PDE7A: variants seen among roughly 807,000 people sequenced by gnomAD.
PDE7A encodes the protein phosphodiesterase 7A.
In PDE7A, 39 loss-of-function variants were observed where a neutral mutation model predicts 64.3. The ratio of observed to expected loss-of-function variants is 0.61; its 90% confidence interval spans 0.47 to 0.79. PDE7A has a LOEUF of 0.79. Ranked by LOEUF, PDE7A falls within the 30% of genes least tolerant of loss-of-function variation. The probability of loss-of-function intolerance (pLI) is 0.00; values close to 1 mark genes in which losing one functional copy is unlikely to be tolerated. For missense variants in PDE7A, 470 were observed against 582.8 expected (o/e 0.81, Z 1.99); for synonymous variants, 203 against 206.8 (o/e 0.98, Z 0.16).
intron 3 of PDE7A, among the ~76,000 whole-genome samples, chr8:65,759,479 C>G (rs1011900353): frequency 4.6e-5 from 7 of 152,152 alleles, no homozygotes; most frequent in Non-Finnish European, 8.8e-5. Flanking sequence ...GGCCACAGGG[C>G]TGAGGAATGG....
chr8:65,808,397 T>C (rs1484832991), intron 1 of PDE7A, among the ~76,000 whole-genome samples: 1 of 152,158 alleles, frequency 6.6e-6, no homozygotes, highest in Non-Finnish European at 1.5e-5. Flanking sequence ...AAGACTTTAC[T>C]AGAAAAAAGT....
chr8:65,745,964 G>C (rs74959624), intron 4 of PDE7A, among the ~76,000 whole-genome samples: 5,970 of 147,580 alleles, frequency 0.04, 173 homozygotes, highest in Non-Finnish European at 0.06. Flanking sequence ...CACACTCACT[G>C]TCACCAAGGC....
intron 1 of PDE7A, among the ~76,000 whole-genome samples, chr8:65,824,022 C>T (rs1810607147): frequency 6.6e-6 from 1 of 152,122 alleles, no homozygotes; most frequent in African/African-American, 2.4e-5. Context: ...AAACAACTCA[C>T]AGAAGATACA....
intron 1 of PDE7A, among the ~76,000 whole-genome samples, chr8:65,812,032 C>T (rs1334214764): frequency 1.3e-5 from 2 of 150,930 alleles, no homozygotes; most frequent in Non-Finnish European, 3.0e-5. Context: ...CATGGCAAAA[C>T]CCCATCTCTA....
chr8:65,733,781 T>C (rs1181251961), intron 7 of PDE7A, among the ~76,000 whole-genome samples: 1 of 152,220 alleles, frequency 6.6e-6, no homozygotes, highest in Non-Finnish European at 1.5e-5. Context: ...TCACATATTC[T>C]ATGATCTCTT....
At position 65,747,691 on chromosome 8, in the gene PDE7A, G is replaced by A. The variant is rs752352904; in HGVS notation, c.396C>T (p.Ser132=). 6.8e-6 allele frequency: 11 copies of A among 1,611,084 alleles called. No individual in the cohort carries two copies. Among genetic ancestry groups the A allele is most frequent in the Admixed American group, 6.7e-5 (4 of 59,802 alleles). The change falls in exon 4 of 13, where the codon TCC becomes TCT. Residue 132 remains serine (S), a synonymous_variant. Transcript: ENST00000401827. The part of the protein sequence containing the change: ...RFFRGTAVSN[S]LNILDDDYNG... The stretch of plus-strand genomic sequence containing the variant: ...TATAATCATCATCTAAAATGTTTAG[G>A]GAATTTGAAACCGCAGTACCACGAA...
chr8:65,778,393 G>A (rs1314804914), intron 3 of PDE7A, among the ~76,000 whole-genome samples: 6 of 152,148 alleles, frequency 3.9e-5, no homozygotes, highest in African/African-American at 1.4e-4. Context: ...GGAGGTTCCA[G>A]CCCTGGAAGA....
chr8:65,787,972 T>G (rs1809606744), intron 1 of PDE7A, among the ~76,000 whole-genome samples: 1 of 152,206 alleles, frequency 6.6e-6, no homozygotes, highest in South Asian at 2.1e-4. Context: ...AATACATTAT[T>G]TTTCTTTAAG....
chr8:65,824,788 A>T (rs1042005842), intron 1 of PDE7A, among the ~76,000 whole-genome samples: 9 of 152,258 alleles, frequency 5.9e-5, no homozygotes, highest in Admixed American at 2.0e-4. Flanking sequence ...CACTTAATAG[A>T]CTACAGTACA....
At chr8:65,810,203 T>C (rs1810221525) in intron 1 of PDE7A, among the ~76,000 whole-genome samples, 1 of 152,114 alleles carries the variant, frequency 6.6e-6, no homozygotes, top group Non-Finnish European at 1.5e-5. Flanking sequence ...TGTAGCGACA[T>C]GGATGAAGCT....
chr8:65,744,258 G>A (rs1043363673), intron 5 of PDE7A, among the ~76,000 whole-genome samples: 1 of 151,940 alleles, frequency 6.6e-6, no homozygotes, highest in Non-Finnish European at 1.5e-5. Flanking sequence ...CAGGCATGAA[G>A]GAACTTTTTT....
chr8:65,841,026 C>T (rs6472225), intron 1 of PDE7A, among the ~76,000 whole-genome samples: 72,865 of 152,024 alleles, frequency 0.48, 20,318 homozygotes, highest in African/African-American at 0.77. Context: ...ACAGGTGTAC[C>T]CTGGGGCCAC....
chr8:65,747,207 A>C (rs369891811), intron 4 of PDE7A, among the ~76,000 whole-genome samples: 81 of 152,198 alleles, frequency 5.3e-4, no homozygotes, highest in Admixed American at 1.6e-3. Flanking sequence ...CACACACACA[A>C]AAAAGAGAGA....
chr8:65,770,322 T>C (rs1809022851), intron 3 of PDE7A, among the ~76,000 whole-genome samples: 1 of 152,240 alleles, frequency 6.6e-6, no homozygotes, highest in South Asian at 2.1e-4. Flanking sequence ...CAGTTCCATG[T>C]GGCTGGGGAG....
At chr8:65,811,393 A>T (rs1563516501) in intron 1 of PDE7A, among the ~76,000 whole-genome samples, 1 of 152,178 alleles carries the variant, frequency 6.6e-6, no homozygotes, top group Non-Finnish European at 1.5e-5. Flanking sequence ...CAGGGGGAAA[A>T]GCTGGGAAAT....
intron 1 of PDE7A, among the ~76,000 whole-genome samples, chr8:65,803,117 T>G (rs1810034484): frequency 6.6e-6 from 1 of 152,202 alleles, no homozygotes; most frequent in African/African-American, 2.4e-5. Context: ...CCTCTTTTCT[T>G]TATAAATTAC....
intron 3 of PDE7A, among the ~76,000 whole-genome samples, chr8:65,750,655 C>T (rs993557951): frequency 6.6e-6 from 1 of 152,150 alleles, no homozygotes; most frequent in African/African-American, 2.4e-5. Context: ...TGGTAGGATA[C>T]ATACTGTCAA....
intron 5 of PDE7A, among the ~76,000 whole-genome samples, chr8:65,742,991 G>C (rs1807509992): frequency 6.6e-6 from 1 of 152,218 alleles, no homozygotes; most frequent in African/African-American, 2.4e-5. Context: ...GTGCACTGCT[G>C]AGCTCACGCC....
Position 65,782,845 on chromosome 8 carries a change from T to C in PDE7A, c.139-2A>G. The C allele has an allele frequency of 6.4e-7, 1 of 1,557,972 alleles. No homozygotes were observed. The highest frequency in any genetic ancestry group is 1.1e-5 in the South Asian group (1 of 88,226). The stretch of plus-strand genomic sequence containing the variant: ...GTCATAGGAAATAGCTCCACGCCTC[T>C]AGAAAAAAAAATACACATTATAATA... On this transcript the variant is annotated splice_acceptor_variant, in intron 1 of 12. Transcript: ENST00000401827. LOFTEE classifies it high-confidence loss of function.
Sources: gnomAD v4.1 joint callset for allele counts (sites outside exome capture counted in the v4.1 genomes callset) on GRCh38, gnomAD v4.1.1 for gene constraint, MANE v1.5 for transcripts, NCBI Gene and HGNC (gene_info 2026-07-23, HGNC 2026-07-21) for gene names.